The following ZNF331 variants were observed in gnomAD, a reference collection of about 807,000 sequenced individuals.
ZNF331 encodes the protein C2H2-like zinc finger protein rearranged in thyroid adenomas.
ZNF331 carries 2 observed loss-of-function variants against 7.0 expected under a neutral mutation model. The observed-to-expected ratio is 0.29, with a 90% CI of 0.12 to 0.90. The LOEUF is 0.90. ZNF331 is among the 40% of genes least tolerant of loss of function. The pLI is 0.58. For synonymous variants in ZNF331, 196 were observed against 205.4 expected, an observed-to-expected ratio of 0.95 and a Z score of 0.39; for missense variants, 432 against 587.7, an observed-to-expected ratio of 0.74 and a Z score of 2.74.
At chr19:53,570,431 C>T (rs758176768) in intron 4 of ZNF331, among the ~76,000 whole-genome samples, 19 of 152,248 alleles carry the variant, frequency 1.2e-4, no homozygotes, top group Non-Finnish European at 2.2e-4. Flanking sequence ...TCTGACTTAC[C>T]TGTGTGGGAA....
At chr19:53,511,119 T>G in the ZNF331 span, among the ~76,000 whole-genome samples, 1 of 152,226 alleles carries the variant, frequency 6.6e-6, no homozygotes, top group Admixed American at 6.5e-5. Context: ...AGGGTGGAGA[T>G]GAAGCAAAAG....
At chr19:53,547,626 A>C (rs2088701253) in intron 2 of ZNF331, among the ~76,000 whole-genome samples, 1 of 152,214 alleles carries the variant, frequency 6.6e-6, no homozygotes, top group Non-Finnish European at 1.5e-5. Context: ...TGGCTAATTT[A>C]CATTCTAACC....
upstream of ZNF331, among the ~76,000 whole-genome samples, chr19:53,516,636 G>A (rs1169834512): frequency 6.6e-6 from 1 of 151,914 alleles, no homozygotes; most frequent in African/African-American, 2.4e-5. Context: ...CTGATTCTAG[G>A]CCCTAAACCT....
intron 2 of ZNF331, among the ~76,000 whole-genome samples, chr19:53,541,367 A>G (rs1322806803): frequency 6.6e-6 from 1 of 152,042 alleles, no homozygotes; most frequent in African/African-American, 2.4e-5. Flanking sequence ...CGGCCTCCCA[A>G]AGTGCTGGGA....
At chr19:53,547,311 T>G (rs1276235178) in intron 2 of ZNF331, among the ~76,000 whole-genome samples, 1 of 152,228 alleles carries the variant, frequency 6.6e-6, no homozygotes, top group Admixed American at 6.5e-5. Context: ...CTAGCTTATT[T>G]CACTTAGTAC....
chr19:53,531,971 C>G (rs2087558686), intron 2 of ZNF331, among the ~76,000 whole-genome samples: 1 of 151,944 alleles, frequency 6.6e-6, no homozygotes, highest in Non-Finnish European at 1.5e-5. Flanking sequence ...AAAATGACAT[C>G]CTTTATTTTT....
intron 2 of ZNF331, among the ~76,000 whole-genome samples, chr19:53,540,234 A>G (rs900586340): frequency 6.6e-6 from 1 of 152,170 alleles, no homozygotes; most frequent in Non-Finnish European, 1.5e-5. Context: ...TGAAACCACA[A>G]ACATTTATTG....
chr19:53,571,693 C>T lies in ZNF331; in HGVS notation c.99C>T (p.Asp33=), dbSNP rs757867528. ...CTGCTCAGAGGGACCTGTACTGGGACGTGATGCTGGAGAACTACAGTAACT... is the reference window on the plus strand; with the variant it reads ...CTGCTCAGAGGGACCTGTACTGGGATGTGATGCTGGAGAACTACAGTAACT... The part of the protein sequence containing the change: ...LNSAQRDLYW[D]VMLENYSNLV... The change falls in exon 5 of 6, where the codon GAC becomes GAT. Residue 33 remains aspartate (D), a synonymous_variant. Transcript: ENST00000449416. The surrounding 1 kb of genome is among the most constrained non-coding windows in gnomAD (Gnocchi z 4.7). The T allele has an allele frequency of 1.1e-5, 18 of 1,613,456 alleles. No individual in the cohort carries two copies. The highest frequency in any genetic ancestry group is 9.9e-5 in the South Asian group (9 of 91,046).
intron 2 of ZNF331, among the ~76,000 whole-genome samples, chr19:53,531,669 C>T (rs1220186226): frequency 2.0e-5 from 3 of 152,200 alleles, no homozygotes; most frequent in African/African-American, 7.2e-5. Flanking sequence ...GAGCAAACTT[C>T]TGTGTCATCA....
the ZNF331 span, among the ~76,000 whole-genome samples, chr19:53,506,428 C>CTG: frequency 2.3e-4 from 22 of 96,890 alleles, no homozygotes; most frequent in African/African-American, 1.0e-3. Flanking sequence ...CTCTCTCTCT[C>CTG]TCTCTCTCTC....
At position 53,571,791 on chromosome 19, in the gene ZNF331, A is replaced by G. The variant is rs1248417735; in HGVS notation, c.136+61A>G. On this transcript the variant is annotated intron_variant, in intron 5 of 5. Coordinates refer to ENST00000449416, the MANE Select transcript of ZNF331 (RefSeq NM_001079906.2). The surrounding 1 kb of genome is among the most constrained non-coding windows in gnomAD (Gnocchi z 4.7). ...CTGGAATATCCGCTCTCCCCTGTGA[A>G]TTTCAGGACCGCCTTTCAAGAAACT... is the stretch of plus-strand genomic sequence containing the variant. 1.3e-5 allele frequency: 20 copies of G among 1,530,248 alleles called. No individual in the cohort carries two copies. The highest frequency in any genetic ancestry group is 1.8e-5 in the Non-Finnish European group (20 of 1,138,828). The allele number at this position is 1,530,248 out of a possible 1,614,324, so 94.8% of individuals were successfully genotyped here.
Position 53,576,775 on chromosome 19 carries a change from C to T in ZNF331, c.215C>T (p.Ser72Leu), listed in dbSNP as rs2090744294. 2 of 1,613,928 alleles carry T rather than the reference C, an allele frequency of 1.2e-6. No individual in the cohort carries two copies. The highest frequency in any genetic ancestry group is 2.2e-5 in the South Asian group (2 of 91,044). Residue 72 changes from serine (S) to leucine (L), a missense_variant, in exon 6 of 6, where the codon TCA (serine) becomes TTA (leucine). By Grantham distance (145) the Ser-to-Leu change is moderately radical. Around this residue, in one of 3 missense-constraint regions of ZNF331, gnomAD observed 81 missense variants for 70.3 expected, o/e 1.15. Coordinates refer to ENST00000449416, the MANE Select transcript of ZNF331 (RefSeq NM_001079906.2). ...GAAATAAGGGCTTCCAAAAGGAATT[C>T]AGATAGAAGAAGTAAATCCCTTGGC... is the stretch of plus-strand genomic sequence containing the variant. ...IHEIRASKRN[S>L]DRRSKSLGRN... is the part of the protein sequence containing the mutation.
upstream of ZNF331, among the ~76,000 whole-genome samples, chr19:53,514,657 T>C (rs2086855303): frequency 2.4e-5 from 3 of 126,828 alleles, no homozygotes; most frequent in Admixed American, 2.4e-4. Context: ...TTCTCCTTTT[T>C]TTTTTTTTTT....
chr19:53,548,961 CCCTCAGCCT>C (rs1317050383), intron 2 of ZNF331, among the ~76,000 whole-genome samples: 5 of 151,860 alleles, frequency 3.3e-5, no homozygotes, highest in Non-Finnish European at 5.9e-5. Context: ...GATTTCTCCT[CCCTCAGCCT>C]CCTCAGTAGC....
At chr19:53,510,595 CAT>C in the ZNF331 span, among the ~76,000 whole-genome samples, 1 of 152,142 alleles carries the variant, frequency 6.6e-6, no homozygotes, top group Non-Finnish European at 1.5e-5. Context: ...CATCAACCAA[CAT>C]GTCTTACAAG....
chr19:53,530,417 A>G (rs991991317), intron 2 of ZNF331, among the ~76,000 whole-genome samples: 2 of 152,174 alleles, frequency 1.3e-5, no homozygotes, highest in African/African-American at 4.8e-5. Context: ...AGACGGGGCA[A>G]GTATTCAAGC....
the ZNF331 span, among the ~76,000 whole-genome samples, chr19:53,510,037 C>A: frequency 6.6e-6 from 1 of 152,180 alleles, no homozygotes; most frequent in African/African-American, 2.4e-5. Context: ...CAATCACCTG[C>A]CACCAGGCCT....
At chr19:53,562,327 G>A (rs1055204172) in intron 3 of ZNF331, among the ~76,000 whole-genome samples, 1 of 152,126 alleles carries the variant, frequency 6.6e-6, no homozygotes, top group African/African-American at 2.4e-5. Context: ...ACATTTGCAA[G>A]ATAAAATAAT....
chr19:53,569,023 A>G (rs747006967), intron 3 of ZNF331, among the ~76,000 whole-genome samples: 8 of 151,822 alleles, frequency 5.3e-5, no homozygotes, highest in African/African-American at 1.9e-4. Flanking sequence ...CATCCGGCTA[A>G]TTTTTTGTAT....
Sources: allele counts gnomAD v4.1 joint callset (sites outside exome capture counted in the v4.1 genomes callset), GRCh38; gene constraint gnomAD v4.1.1; regional missense constraint gnomAD v4.1.1; non-coding constraint Gnocchi (gnomAD v3.1); transcripts MANE v1.5; gene names NCBI Gene and HGNC (gene_info 2026-07-23, HGNC 2026-07-21).